FSTL5: variants seen among roughly 807,000 people sequenced by gnomAD.
FSTL5 encodes the protein follistatin-related protein 5.
A neutral mutation model predicts 89.1 loss-of-function variants in FSTL5; 62 were observed. The ratio of observed to expected loss-of-function variants is 0.70; its 90% CI spans 0.57 to 0.86. The LOEUF is 0.86. FSTL5 is among the 40% of genes least tolerant of loss of function. FSTL5 has a pLI of 0.00. For synonymous variants in FSTL5, 383 were observed against 346.2 expected, an observed-to-expected ratio of 1.11 and a Z score of -1.18; for missense variants, 1,057 against 1,001.6, an observed-to-expected ratio of 1.06 and a Z score of -0.75.
At chr4:161,867,389 G>A (rs1000794857) in intron 4 of FSTL5, among the ~76,000 whole-genome samples, 1 of 151,988 alleles carries the variant, frequency 6.6e-6, no homozygotes. Flanking sequence ...CTTTCTGCAT[G>A]ATGGAAGTTG....
chr4:162,138,922 A>G (rs1732619637), intron 1 of FSTL5, among the ~76,000 whole-genome samples: 1 of 152,096 alleles, frequency 6.6e-6, no homozygotes, highest in African/African-American at 2.4e-5. Flanking sequence ...AAGAAATTAA[A>G]TATTTTATTG....
At chr4:162,090,366 T>C (rs530150182) in intron 2 of FSTL5, among the ~76,000 whole-genome samples, 1 of 152,072 alleles carries the variant, frequency 6.6e-6, no homozygotes, top group East Asian at 1.9e-4. Flanking sequence ...TTCTGATACA[T>C]AGCATCTATA....
At chr4:161,461,460 C>CA (rs58371125) in intron 13 of FSTL5, among the ~76,000 whole-genome samples, 84 of 45,366 alleles carry the variant, frequency 1.9e-3, no homozygotes, top group African/African-American at 6.8e-3. Flanking sequence ...GACTCCGTCT[C>CA]AAAAAAAAAA....
intron 6 of FSTL5, among the ~76,000 whole-genome samples, chr4:161,720,156 T>C (rs1180440128): frequency 7.3e-6 from 1 of 137,436 alleles, no homozygotes; most frequent in African/African-American, 2.6e-5. Flanking sequence ...CCATAGTTGA[T>C]AAAATGTTAA....
intron 6 of FSTL5, among the ~76,000 whole-genome samples, chr4:161,699,402 A>T (rs1040844480): frequency 1.3e-5 from 2 of 152,198 alleles, no homozygotes; most frequent in Non-Finnish European, 1.5e-5. Flanking sequence ...ATGGGTTCAT[A>T]GTCTTTTCAG....
intron 15 of FSTL5, among the ~76,000 whole-genome samples, chr4:161,403,051 G>C (rs1407805575): frequency 6.6e-6 from 1 of 151,922 alleles, no homozygotes; most frequent in Non-Finnish European, 1.5e-5. Context: ...GGATGGTCTT[G>C]ATCTTCTGAC....
intron 2 of FSTL5, among the ~76,000 whole-genome samples, chr4:162,049,568 C>T (rs1249796045): frequency 1.3e-5 from 2 of 152,064 alleles, no homozygotes; most frequent in Non-Finnish European, 2.9e-5. Context: ...TCTTTGGTGC[C>T]TTTGGTTCTC....
At chr4:161,459,413 A>T in intron 13 of FSTL5, 94 bp from the exon 14 acceptor site, 1 of 706,116 alleles carries the variant, frequency 1.4e-6, no homozygotes, top group Non-Finnish European at 2.3e-6. Context: ...TAGATGTCAG[A>T]TTAAAAATTT....
At chr4:161,685,393 T>C (rs1475371622) in intron 6 of FSTL5, among the ~76,000 whole-genome samples, 2 of 152,208 alleles carry the variant, frequency 1.3e-5, no homozygotes, top group Non-Finnish European at 2.9e-5. Flanking sequence ...GGGATGTGTT[T>C]CCATTTGTTT....
chr4:161,712,010 C>T (rs140320598), intron 6 of FSTL5, among the ~76,000 whole-genome samples: 204 of 152,294 alleles, frequency 1.3e-3, no homozygotes, highest in African/African-American at 4.5e-3. Context: ...CAACCAACAG[C>T]TAGCAGCATG....
At chr4:161,997,505 C>A (rs925861869) in intron 3 of FSTL5, among the ~76,000 whole-genome samples, 6 of 152,014 alleles carry the variant, frequency 3.9e-5, no homozygotes, top group African/African-American at 1.4e-4. Context: ...GTGCACATTC[C>A]TTTCAATTGA....
At chr4:162,153,529 A>G (rs1733310174) in intron 1 of FSTL5, among the ~76,000 whole-genome samples, 2 of 149,922 alleles carry the variant, frequency 1.3e-5, no homozygotes. Context: ...CTGAAAGGGT[A>G]CCTGAAACAG....
intron 2 of FSTL5, among the ~76,000 whole-genome samples, chr4:162,071,733 A>G (rs1729633777): frequency 6.6e-6 from 1 of 151,810 alleles, no homozygotes; most frequent in South Asian, 2.1e-4. Context: ...AGGATAGATC[A>G]TATGTTAGGC....
chr4:161,972,160 T>C (rs1735503315), intron 3 of FSTL5, among the ~76,000 whole-genome samples: 1 of 152,068 alleles, frequency 6.6e-6, no homozygotes, highest in Non-Finnish European at 1.5e-5. Context: ...TGGTGGGATC[T>C]GGGCTCAATG....
chr4:162,071,383 C>T (rs1729616103), intron 2 of FSTL5, among the ~76,000 whole-genome samples: 1 of 151,346 alleles, frequency 6.6e-6, no homozygotes, highest in Admixed American at 6.6e-5. Flanking sequence ...AGTAAAAAAA[C>T]ACAAATGAAG....
chr4:161,841,936 G>A lies in FSTL5; in HGVS notation c.410-65862C>T, dbSNP rs186437870. Among the ~76,000 whole-genome samples the A allele has an allele frequency of 1.9e-3, 288 of 152,228 alleles. 1 individual carries two copies. The highest frequency in any genetic ancestry group is 6.5e-3 in the African/African-American group (269 of 41,518). On this transcript the variant is annotated intron_variant, in intron 4 of 15. Transcript: ENST00000306100. ...GATTTGAGTGTGTGTTGGCATTGAA[G>A]GATGTGAGGCTGTCTTTACAGTGAG... is the stretch of plus-strand genomic sequence containing the variant.
chr4:161,623,960 T>C (rs1578976195), intron 7 of FSTL5, among the ~76,000 whole-genome samples: 2 of 152,016 alleles, frequency 1.3e-5, no homozygotes, highest in East Asian at 3.8e-4. Flanking sequence ...TCTTAGCAGT[T>C]AAATTTGCAA....
intron 3 of FSTL5, among the ~76,000 whole-genome samples, chr4:161,935,866 CCTT>C (rs1222523598): frequency 6.6e-6 from 1 of 152,152 alleles, no homozygotes; most frequent in Admixed American, 6.6e-5. Flanking sequence ...GAATTGAAGA[CCTT>C]CTCCTATTCA....
chr4:161,436,747 CTG>C (rs1732573034), intron 15 of FSTL5, among the ~76,000 whole-genome samples: 1 of 152,186 alleles, frequency 6.6e-6, no homozygotes, highest in Non-Finnish European at 1.5e-5. Context: ...CAGATTGAGC[CTG>C]TCACAACTTT....
Sources: allele counts gnomAD v4.1 joint callset (sites outside exome capture counted in the v4.1 genomes callset), GRCh38; gene constraint gnomAD v4.1.1; transcripts MANE v1.5; gene names NCBI Gene and HGNC (gene_info 2026-07-23, HGNC 2026-07-21).